Variants in MSH3 observed in about 807,000 individuals in gnomAD.
The protein encoded by MSH3 is mutS homolog 3.
MSH3 carries 106 observed loss-of-function variants against 123.3 expected under a neutral mutation model. The observed-to-expected ratio is 0.86, with a 90% CI of 0.73 to 1.01. The LOEUF (loss-of-function observed/expected upper bound fraction) is 1.01. Ranked by LOEUF, MSH3 falls within the 50% of genes least tolerant of loss-of-function variation. The pLI is 0.00. For missense variants in MSH3, 1,459 were observed against 1,347.6 expected, an observed-to-expected ratio of 1.08 and a Z score of -1.29; for synonymous variants, 515 against 481.4, an observed-to-expected ratio of 1.07 and a Z score of -0.91.
intron 8 of MSH3, among the ~76,000 whole-genome samples, chr5:80,684,345 C>T (rs1210077282): frequency 1.3e-5 from 2 of 152,060 alleles, no homozygotes; most frequent in Admixed American, 1.3e-4. Flanking sequence ...GTGTTCTCTT[C>T]AATGTTTTAC....
chr5:80,784,557 C>T (rs1339973341), intron 17 of MSH3, among the ~76,000 whole-genome samples: 3 of 152,146 alleles, frequency 2.0e-5, no homozygotes, highest in Non-Finnish European at 4.4e-5. Flanking sequence ...GAGTTACAAA[C>T]AATCCAATTA....
At chr5:80,804,781 T>C (rs531679090) in intron 19 of MSH3, among the ~76,000 whole-genome samples, 3 of 152,310 alleles carry the variant, frequency 2.0e-5, no homozygotes, top group African/African-American at 7.2e-5. Flanking sequence ...ACTGTCTGAC[T>C]ACCATCTATG....
At chr5:80,729,430 ATG>A (rs71594671) in intron 10 of MSH3, among the ~76,000 whole-genome samples, 137 of 78,330 alleles carry the variant, frequency 1.7e-3, no homozygotes, top group South Asian at 3.2e-3. Flanking sequence ...AAAAAAAAAA[ATG>A]TGTGTGTGTG....
chr5:80,846,387 T>A (rs530720330), intron 20 of MSH3, among the ~76,000 whole-genome samples: 63 of 151,824 alleles, frequency 4.1e-4, no homozygotes, highest in Admixed American at 8.5e-4. Flanking sequence ...AGGTAGTCTG[T>A]CCCTTCTCGG....
intron 19 of MSH3, among the ~76,000 whole-genome samples, chr5:80,803,217 T>A (rs1484201797): frequency 6.6e-6 from 1 of 152,182 alleles, no homozygotes. Context: ...AGAGTTACCT[T>A]TTCTCCACAT....
chr5:80,776,594 G>T (rs1195970159), intron 16 of MSH3, among the ~76,000 whole-genome samples: 2 of 151,846 alleles, frequency 1.3e-5, no homozygotes, highest in Non-Finnish European at 2.9e-5. Context: ...ACCACATTGG[G>T]ACTCTGCCTT....
rs573009770 is a variant in MSH3, at chr5:80,794,609, G to T, written c.2655+1765G>T. ...CAGATATCAAATGTGCTGTTTTTCT[G>T]GTTGATGGCAAGATCTTATGTATGG... On this transcript the variant is annotated intron_variant, in intron 19 of 23. Coordinates refer to ENST00000265081, the MANE Select transcript of MSH3 (RefSeq NM_002439.5). Among the ~76,000 whole-genome samples the T allele has an allele frequency of 3.3e-5, 5 of 152,280 alleles. No homozygotes were observed. In the South Asian group the frequency reaches 1.0e-3, roughly 32 times the overall value.
At chr5:80,772,551 A>G (rs550761730) in intron 15 of MSH3, among the ~76,000 whole-genome samples, 1 of 152,320 alleles carries the variant, frequency 6.6e-6, no homozygotes, top group African/African-American at 2.4e-5. Flanking sequence ...ATTGCTTATA[A>G]TGAATCAAGG....
Position 80,818,402 on chromosome 5 carries a change from C to CAAAAA in MSH3, c.2813+4677_2813+4681dup, listed in dbSNP as rs71603566. On this transcript the variant is annotated intron_variant, in intron 20 of 23. Coordinates refer to ENST00000265081, the MANE Select transcript of MSH3 (RefSeq NM_002439.5). ...TTTTTTAACAAATAAATAGCAATGA[C>CAAAAA]AAAAAAAAAAAAAAAAAAAAGGTGG... is the stretch of plus-strand genomic sequence containing the variant. 3.4e-3 allele frequency among the ~76,000 whole-genome samples: 217 copies of CAAAAA among 63,770 alleles called. 10 individuals are homozygous for CAAAAA. Among genetic ancestry groups the CAAAAA allele is most frequent in the African/African-American group, 6.4e-3 (100 of 15,598 alleles). 41.8% of individuals were successfully genotyped at this position (63,770 alleles called of 152,430 possible).
intron 12 of MSH3, 140 bp downstream of exon 12, chr5:80,744,755 G>A (rs1743684843): frequency 4.2e-6 from 3 of 706,034 alleles, no homozygotes; most frequent in African/African-American, 3.6e-5. Context: ...CTGAGCAATA[G>A]ACTGGCTCTC....
At chr5:80,795,916 C>T (rs1388142763) in intron 19 of MSH3, among the ~76,000 whole-genome samples, 1 of 150,392 alleles carries the variant, frequency 6.6e-6, no homozygotes, top group Admixed American at 6.6e-5. Context: ...GAGGCTGAGG[C>T]AGGAGAATTG....
At chr5:80,663,555 T>C (rs570399377) in intron 2 of MSH3, among the ~76,000 whole-genome samples, 69 of 152,268 alleles carry the variant, frequency 4.5e-4, no homozygotes, top group African/African-American at 1.6e-3. Flanking sequence ...CAGGCAGTTT[T>C]TTTTTATGTC....
Position 80,767,845 on chromosome 5 carries a change from A to G in MSH3, c.1897-88A>G, listed in dbSNP as rs567073761. On this transcript the variant is annotated intron_variant, in intron 13 of 23. Transcript: ENST00000265081. ...TTAATAGAAAATTTAAACTTTCCTC[A>G]ATTCTGATTCTAACTTTTAAAAGTC... 10 of 1,022,578 alleles carry G rather than the reference A, an allele frequency of 9.8e-6. No individual in the cohort carries two copies. The Admixed American group carries it at 1.0e-4, about 11-fold the overall frequency. 63.3% of individuals were successfully genotyped at this position (1,022,578 alleles called of 1,614,324 possible).
At chr5:80,758,308 C>A (rs1451154650) in intron 12 of MSH3, among the ~76,000 whole-genome samples, 3 of 152,176 alleles carry the variant, frequency 2.0e-5, no homozygotes, top group African/African-American at 7.2e-5. Flanking sequence ...GTGTCTACTA[C>A]ACAAAATTTG....
intron 2 of MSH3, among the ~76,000 whole-genome samples, chr5:80,659,275 C>T (rs1362778543): frequency 6.6e-6 from 1 of 151,978 alleles, no homozygotes; most frequent in African/African-American, 2.4e-5. Context: ...ATGATTCACC[C>T]ATTTAGCATG....
At chr5:80,830,460 G>C (rs1021377475) in intron 20 of MSH3, among the ~76,000 whole-genome samples, 6 of 152,160 alleles carry the variant, frequency 3.9e-5, no homozygotes, top group African/African-American at 1.4e-4. Context: ...CAGTTTATAA[G>C]GATGCAGCCT....
chr5:80,851,166 C>T (rs761088727), intron 20 of MSH3, among the ~76,000 whole-genome samples: 13 of 151,892 alleles, frequency 8.6e-5, no homozygotes, highest in Non-Finnish European at 1.9e-4. Context: ...ATCAAGAACA[C>T]ATTTGTACAT....
intron 20 of MSH3, among the ~76,000 whole-genome samples, chr5:80,839,274 G>A (rs542725630): frequency 1.9e-4 from 29 of 152,106 alleles, no homozygotes; most frequent in Non-Finnish European, 3.8e-4. Flanking sequence ...AGGCTGAGGC[G>A]TGAGAATCAC....
chr5:80,755,954 G>A (rs559529968), intron 12 of MSH3, among the ~76,000 whole-genome samples: 3 of 152,260 alleles, frequency 2.0e-5, no homozygotes, highest in Non-Finnish European at 2.9e-5. Flanking sequence ...TTTATACTCT[G>A]TGTGGTCTGG....
Sources: gnomAD v4.1 joint callset for allele counts (sites outside exome capture counted in the v4.1 genomes callset) on GRCh38, gnomAD v4.1.1 for gene constraint, MANE v1.5 for transcripts, NCBI Gene and HGNC (gene_info 2026-07-23, HGNC 2026-07-21) for gene names.